The following TLN2 variants were observed in gnomAD, a reference collection of about 807,000 sequenced individuals.
TLN2 encodes the protein talin 2, also known as talin-2.
TLN2 carries 118 observed loss-of-function variants against 294.7 expected under a neutral mutation model. The observed-to-expected ratio is 0.40, with a 90% CI of 0.34 to 0.47. The LOEUF is 0.47. Ranked by LOEUF, TLN2 falls within the 20% of genes least tolerant of loss-of-function variation. The pLI is 0.84. For missense variants in TLN2, 3,083 were observed against 3,282.2 expected (o/e 0.94, Z 1.48); for synonymous variants, 1,431 against 1,304.5 (o/e 1.10, Z -2.09).
intron 19 of TLN2, among the ~76,000 whole-genome samples, chr15:62,704,560 C>CT (rs1480577356): frequency 1.3e-5 from 2 of 152,176 alleles, no homozygotes; most frequent in Non-Finnish European, 2.9e-5. Flanking sequence ...CTCCACATGC[C>CT]TGTGGCACTG....
intron 1 of TLN2, among the ~76,000 whole-genome samples, chr15:62,541,681 C>A (rs925231024): frequency 1.3e-5 from 2 of 152,060 alleles, no homozygotes; most frequent in African/African-American, 4.8e-5. Context: ...CAATATCCCC[C>A]TTTATACAGT....
chr15:62,551,187 G>A (rs1316080343), intron 1 of TLN2, among the ~76,000 whole-genome samples: 1 of 152,156 alleles, frequency 6.6e-6, no homozygotes, highest in East Asian at 1.9e-4. Flanking sequence ...GGTAATGTGA[G>A]TGATGGGGAG....
intron 52 of TLN2, among the ~76,000 whole-genome samples, chr15:62,814,527 A>G (rs2066940155): frequency 6.6e-6 from 1 of 152,208 alleles, no homozygotes; most frequent in African/African-American, 2.4e-5. Flanking sequence ...GAGGGTGACA[A>G]GTGCTGATGG....
chr15:62,776,241 T>C (rs2141065398), intron 42 of TLN2, among the ~76,000 whole-genome samples: 1 of 152,288 alleles, frequency 6.6e-6, no homozygotes, highest in East Asian at 1.9e-4. Flanking sequence ...CATGCATTTC[T>C]CCAACCTCAT....
chr15:62,428,706 A>G (rs1243496009), intron 1 of TLN2, among the ~76,000 whole-genome samples: 1 of 152,208 alleles, frequency 6.6e-6, no homozygotes, highest in Non-Finnish European at 1.5e-5. Flanking sequence ...TTATTTCTCT[A>G]AAGAGATGGC....
At chr15:62,838,087 A>C (rs2069997356) in intron 57 of TLN2, 1 of 152,238 alleles carries the variant, frequency 6.6e-6, no homozygotes, top group Non-Finnish European at 1.5e-5. Context: ...AGATCTAAGG[A>C]AAAATGAAAA....
chr15:62,667,243 G>A (rs1407821131), intron 9 of TLN2, among the ~76,000 whole-genome samples: 2 of 152,224 alleles, frequency 1.3e-5, no homozygotes, highest in Non-Finnish European at 2.9e-5. Flanking sequence ...TGGGATTACA[G>A]GCGTGAGCCA....
At chr15:62,665,111 C>T (rs1453129176) in intron 9 of TLN2, among the ~76,000 whole-genome samples, 1 of 152,084 alleles carries the variant, frequency 6.6e-6, no homozygotes, top group Non-Finnish European at 1.5e-5. Flanking sequence ...GTCACTCTGT[C>T]ACCCAGGCTG....
At chr15:62,431,090 C>A (rs1285454112) in intron 1 of TLN2, among the ~76,000 whole-genome samples, 1 of 152,100 alleles carries the variant, frequency 6.6e-6, no homozygotes, top group African/African-American at 2.4e-5. Flanking sequence ...TCCAGGCCCA[C>A]TGAGTGAGGC....
At chr15:62,406,585 G>A (rs1262829861) in intron 1 of TLN2, among the ~76,000 whole-genome samples, 2 of 152,182 alleles carry the variant, frequency 1.3e-5, no homozygotes, top group Non-Finnish European at 1.5e-5. Context: ...TGACTTATGC[G>A]GAAATTTCTA....
chr15:62,526,265 G>A (rs534329005), intron 1 of TLN2, among the ~76,000 whole-genome samples: 5 of 152,140 alleles, frequency 3.3e-5, no homozygotes, highest in Non-Finnish European at 7.4e-5. Flanking sequence ...GAGTAGCTGG[G>A]ATTATAGGCA....
intron 12 of TLN2, among the ~76,000 whole-genome samples, chr15:62,690,785 C>T (rs541054309): frequency 6.6e-6 from 1 of 151,062 alleles, no homozygotes; most frequent in African/African-American, 2.5e-5. Flanking sequence ...CCGAGGCTGG[C>T]GGATCACTCG....
intron 24 of TLN2, among the ~76,000 whole-genome samples, chr15:62,717,908 T>C (rs566822096): frequency 6.6e-6 from 1 of 152,318 alleles, no homozygotes; most frequent in South Asian, 2.1e-4. Flanking sequence ...TTGTCTACTT[T>C]TGTCCACAAT....
chr15:62,683,218 T>G (rs1018138892), intron 11 of TLN2, among the ~76,000 whole-genome samples: 2 of 152,206 alleles, frequency 1.3e-5, no homozygotes, highest in Non-Finnish European at 2.9e-5. Context: ...TCAGTCCAGT[T>G]GCATTCCTCC....
At position 62,717,694 on chromosome 15, in the gene TLN2, G is replaced by C; in HGVS notation, c.2877+5G>C. The C allele has an allele frequency of 6.4e-7, 1 of 1,565,624 alleles. No homozygotes were observed. Among genetic ancestry groups the C allele is most frequent in the African/African-American group, 1.4e-5 (1 of 73,694 alleles). On this transcript the variant is annotated splice_donor_5th_base_variant and intron_variant, in intron 24 of 58. Transcript: ENST00000636159. ...CAGCTGGTCCAGAGTTGCAAGGTGA[G>C]GTTCCAGTGCACAGAGAGCCAGGTC...
chr15:62,821,462 A>G (rs2067562071), intron 54 of TLN2, among the ~76,000 whole-genome samples: 1 of 152,248 alleles, frequency 6.6e-6, no homozygotes, highest in Non-Finnish European at 1.5e-5. Context: ...ATTTAGGTAT[A>G]CCTAAAAATT....
At chr15:62,713,878 T>G (rs1344182041) in intron 22 of TLN2, among the ~76,000 whole-genome samples, 1 of 124,838 alleles carries the variant, frequency 8.0e-6, no homozygotes. Flanking sequence ...AGCTCTGCTA[T>G]TAACCCCCTT....
intron 39 of TLN2, 59 bp from the exon 40 acceptor site, chr15:62,763,504 G>T (rs2062804591): frequency 6.5e-7 from 1 of 1,546,846 alleles, no homozygotes; most frequent in Non-Finnish European, 8.8e-7. Context: ...CAGTGCTGGA[G>T]CAGGCTGTGG....
At chr15:62,815,649 T>A (rs2067052428) in intron 52 of TLN2, among the ~76,000 whole-genome samples, 1 of 152,196 alleles carries the variant, frequency 6.6e-6, no homozygotes, top group South Asian at 2.1e-4. Flanking sequence ...CTTAGCCTTG[T>A]TCTGTTAAAA....
Sources: allele counts gnomAD v4.1 joint callset (sites outside exome capture counted in the v4.1 genomes callset), GRCh38; gene constraint gnomAD v4.1.1; transcripts MANE v1.5; gene names NCBI Gene and HGNC (gene_info 2026-07-23, HGNC 2026-07-21).